Variants in PABIR3 observed in about 807,000 individuals in gnomAD.
PABIR3 encodes the protein PABIR family member 1.
In PABIR3, 20 loss-of-function variants were observed where a neutral mutation model predicts 23.1. That is an observed-to-expected ratio of 0.86 (90% CI 0.61 to 1.26). The LOEUF (loss-of-function observed/expected upper bound fraction) is 1.26, where lower values mean the gene tolerates loss of function less well. PABIR3 is among the 50% of genes most tolerant of loss of function. The pLI is 0.00. For missense variants in PABIR3, 189 were observed against 195.4 expected (o/e 0.97, Z 0.20); for synonymous variants, 69 against 68.5 (o/e 1.01, Z -0.04).
chrX:134,805,308 T>G (rs2080183797), upstream of PABIR3, among the ~76,000 whole-genome samples: 1 of 111,879 alleles, frequency 8.9e-6, no homozygotes, highest in South Asian at 3.7e-4. Flanking sequence ...TTAAAGTGAT[T>G]AGGACAGTAC....
At chrX:134,838,331 T>G (rs963347204) in intron 4 of PABIR3, among the ~76,000 whole-genome samples, 29 of 110,489 alleles carry the variant, frequency 2.6e-4, no homozygotes, top group Middle Eastern at 4.7e-3. Flanking sequence ...TTTTTTTTTT[T>G]GGAACAGAGT....
chrX:134,850,521 A>C (rs1407753684), intron 9 of PABIR3, among the ~76,000 whole-genome samples: 5 of 111,697 alleles, frequency 4.5e-5, no homozygotes, highest in African/African-American at 1.6e-4. Context: ...GCTAGTGTTG[A>C]AAAAATATTC....
At chrX:134,828,047 C>CTCTCTCTCTCTCTCTATATATATATA (rs1466733144) in intron 3 of PABIR3, among the ~76,000 whole-genome samples, 1 of 49,418 alleles carries the variant, frequency 2.0e-5, no homozygotes, top group African/African-American at 8.2e-5. Flanking sequence ...CTCTCTCTCT[C>CTCTCTCTCTCTCTCTATATATATATA]TATATATATA....
chrX:134,804,870 A>G (rs2148067269), upstream of PABIR3, among the ~76,000 whole-genome samples: 1 of 112,383 alleles, frequency 8.9e-6, no homozygotes, highest in African/African-American at 3.2e-5. Flanking sequence ...CATCTTTTAT[A>G]AACGTTCAGG....
At chrX:134,826,747 T>G (rs2081522610) in intron 3 of PABIR3, among the ~76,000 whole-genome samples, 1 of 111,575 alleles carries the variant, frequency 9.0e-6, no homozygotes, top group Non-Finnish European at 1.9e-5. Flanking sequence ...TTTTCTATTG[T>G]TATTTTTACA....
At chrX:134,813,452 G>C (rs1226455167) in intron 2 of PABIR3, among the ~76,000 whole-genome samples, 1 of 112,023 alleles carries the variant, frequency 8.9e-6, no homozygotes, top group Non-Finnish European at 1.9e-5. Flanking sequence ...TTATCAGAGA[G>C]CGAGTATAGA....
At chrX:134,853,328 A>G (rs187007155) in intron 10 of PABIR3, among the ~76,000 whole-genome samples, 1 of 112,018 alleles carries the variant, frequency 8.9e-6, no homozygotes, top group East Asian at 2.8e-4. Context: ...TTGGCCTCCT[A>G]AAGTGCTGGG....
chrX:134,828,041 CTCTCTCTATA>C (rs1159987184), intron 3 of PABIR3, among the ~76,000 whole-genome samples: 75 of 71,689 alleles, frequency 1.0e-3, no homozygotes, highest in African/African-American at 3.6e-3. Context: ...CTCTCTCTCT[CTCTCTCTATA>C]TATATATATA....
chrX:134,807,049 G>C (rs1187058451), upstream of PABIR3: 1 of 406,894 alleles, frequency 2.5e-6, no homozygotes, highest in Non-Finnish European at 3.1e-6. Context: ...TGGGGAAAGA[G>C]GAAGGAGGGC....
chrX:134,821,027 A>AAT (rs1398175881), intron 3 of PABIR3, among the ~76,000 whole-genome samples: 10 of 103,519 alleles, frequency 9.7e-5, no homozygotes, highest in Non-Finnish European at 1.4e-4. Context: ...ATATGAAAAA[A>AAT]ATATATATAT....
At chrX:134,861,216 A>C in the PABIR3 span, among the ~76,000 whole-genome samples, 10 of 109,766 alleles carry the variant, frequency 9.1e-5, no homozygotes, top group Non-Finnish European at 1.9e-4. Flanking sequence ...TGAAGGTTGC[A>C]GTGAGCCGAG....
At chrX:134,821,517 A>G in intron 3 of PABIR3, 1 of 1,151,124 alleles carries the variant, frequency 8.7e-7, no homozygotes, top group East Asian at 3.3e-5. Flanking sequence ...TCACTTCTCC[A>G]TCCCCACCCC....
intron 3 of PABIR3, among the ~76,000 whole-genome samples, chrX:134,825,378 T>C (rs181871080): frequency 8.9e-6 from 1 of 112,241 alleles, no homozygotes; most frequent in East Asian, 2.8e-4. Flanking sequence ...GGTGCTGTGC[T>C]AAACACATTA....
intron 9 of PABIR3, 132 bp downstream of exon 9, chrX:134,849,360 GC>G (rs1217727701): frequency 1.6e-5 from 4 of 244,248 alleles, no homozygotes; most frequent in Non-Finnish European, 2.7e-5. Flanking sequence ...GCTATTAGAG[GC>G]CTTTCATTTT....
intron 3 of PABIR3, among the ~76,000 whole-genome samples, chrX:134,817,048 C>T (rs1224689694): frequency 9.0e-6 from 1 of 111,304 alleles, no homozygotes; most frequent in Non-Finnish European, 1.9e-5. Flanking sequence ...GTGGTGCATG[C>T]CTGTAATCCC....
the PABIR3 span, among the ~76,000 whole-genome samples, chrX:134,862,274 C>T: frequency 3.7e-5 from 4 of 106,918 alleles, no homozygotes; most frequent in African/African-American, 1.4e-4. Flanking sequence ...CCTCAGCCTC[C>T]CGAGTAGCTG....
At chrX:134,805,618 C>A (rs2080197049), upstream of PABIR3, among the ~76,000 whole-genome samples, 1 of 112,029 alleles carries the variant, frequency 8.9e-6, no homozygotes, top group Admixed American at 9.5e-5. Flanking sequence ...ATTTTGTAGG[C>A]CAGGCGTGGA....
intron 1 of PABIR3, among the ~76,000 whole-genome samples, chrX:134,800,814 T>C (rs1234379896): frequency 8.9e-6 from 1 of 111,880 alleles, no homozygotes; most frequent in Non-Finnish European, 1.9e-5. Context: ...AAGCCTTAAC[T>C]GAGGGGATGA....
upstream of PABIR3, among the ~76,000 whole-genome samples, chrX:134,805,101 G>A (rs1274223307): frequency 8.9e-6 from 1 of 112,343 alleles, no homozygotes; most frequent in East Asian, 2.8e-4. Flanking sequence ...TATGAGTACA[G>A]AAATTCAAGG....
Sources: gnomAD v4.1 joint callset for allele counts (sites outside exome capture counted in the v4.1 genomes callset) on GRCh38, gnomAD v4.1.1 for gene constraint, MANE v1.5 for transcripts, NCBI Gene and HGNC (gene_info 2026-07-23, HGNC 2026-07-21) for gene names.